Variants in GLRA1 observed in about 807,000 individuals in gnomAD.
GLRA1 encodes glycine receptor subunit alpha-1.
In GLRA1, 37 loss-of-function variants were observed where a neutral mutation model predicts 48.3. The observed-to-expected ratio is 0.77, with a 90% CI of 0.59 to 1.01. GLRA1 has a LOEUF of 1.01. Ranked by LOEUF, GLRA1 falls within the 50% of genes least tolerant of loss-of-function variation. The pLI, the probability that GLRA1 is intolerant of heterozygous loss-of-function variation, is 0.00. For synonymous variants in GLRA1, 196 were observed against 210.7 expected (o/e 0.93, Z 0.60); for missense variants, 427 against 571.0 (o/e 0.75, Z 2.57).
At chr5:151,874,192 G>A (rs1561566465) in intron 3 of GLRA1, among the ~76,000 whole-genome samples, 1 of 152,168 alleles carries the variant, frequency 6.6e-6, no homozygotes, top group Admixed American at 6.5e-5. Flanking sequence ...GCTGCCCAAA[G>A]ATGAAATGGG....
At chr5:151,910,899 G>A (rs1298082539) in intron 1 of GLRA1, among the ~76,000 whole-genome samples, 1 of 152,202 alleles carries the variant, frequency 6.6e-6, no homozygotes, top group Middle Eastern at 3.2e-3. Context: ...TAGAAGTTAA[G>A]GTGTGTTAGA....
chr5:151,876,181 T>A (rs1753624979), intron 3 of GLRA1, among the ~76,000 whole-genome samples: 1 of 152,196 alleles, frequency 6.6e-6, no homozygotes, highest in South Asian at 2.1e-4. Flanking sequence ...ATATGTGCCC[T>A]CCCTTCCCCT....
At chr5:151,898,905 A>G (rs181104265) in intron 1 of GLRA1, among the ~76,000 whole-genome samples, 1 of 152,324 alleles carries the variant, frequency 6.6e-6, no homozygotes, top group East Asian at 1.9e-4. Context: ...ATAAAACTTG[A>G]AGGTTAGATA....
At chr5:151,857,969 G>A (rs576583256) in intron 4 of GLRA1, among the ~76,000 whole-genome samples, 27 of 152,200 alleles carry the variant, frequency 1.8e-4, no homozygotes, top group Middle Eastern at 3.2e-3. Context: ...ACATCAGCCA[G>A]GATTCAAAAC....
intron 1 of GLRA1, among the ~76,000 whole-genome samples, chr5:151,920,224 A>C (rs916298407): frequency 5.3e-5 from 8 of 152,182 alleles, no homozygotes; most frequent in African/African-American, 1.9e-4. Context: ...AGATCTTATT[A>C]GGGGTTGGAG....
intron 3 of GLRA1, among the ~76,000 whole-genome samples, chr5:151,874,237 C>T (rs192075709): frequency 1.1e-4 from 17 of 152,210 alleles, no homozygotes; most frequent in East Asian, 3.9e-4. Context: ...CTCCTCAGTG[C>T]GCTGAGTTCC....
chr5:151,866,615 A>G (rs1753343132), intron 3 of GLRA1, among the ~76,000 whole-genome samples: 1 of 152,208 alleles, frequency 6.6e-6, no homozygotes, highest in South Asian at 2.1e-4. Flanking sequence ...TTATCATTCC[A>G]GCTCCCAAGG....
chr5:151,850,115 T>G, intron 7 of GLRA1: 2 of 1,604,286 alleles, frequency 1.2e-6, no homozygotes, highest in South Asian at 2.2e-5. Context: ...GGTACCACTT[T>G]GGTTGGCCTT....
intron 8 of GLRA1, among the ~76,000 whole-genome samples, chr5:151,827,647 C>A (rs141504170): frequency 1.3e-5 from 2 of 152,308 alleles, no homozygotes; most frequent in African/African-American, 4.8e-5. Flanking sequence ...TGCGCCTGGG[C>A]AGACAACTAT....
chr5:151,884,427 T>TCAAAACAAAACAAAACAACA (rs1753844684), intron 3 of GLRA1, among the ~76,000 whole-genome samples: 1 of 148,708 alleles, frequency 6.7e-6, no homozygotes, highest in Non-Finnish European at 1.5e-5. Flanking sequence ...AAACTCTGTC[T>TCAAAACAAAACAAAACAACA]CAAAACAAAA....
chr5:151,861,333 A>T (rs1753198923), intron 3 of GLRA1, among the ~76,000 whole-genome samples: 1 of 152,244 alleles, frequency 6.6e-6, no homozygotes, highest in South Asian at 2.1e-4. Context: ...ACTAATTTAC[A>T]GTCCCACCAA....
chr5:151,854,946 A>T (rs1291023866), intron 6 of GLRA1, 94 bp downstream of exon 6: 2 of 1,364,230 alleles, frequency 1.5e-6, no homozygotes, highest in Non-Finnish European at 2.1e-6. Flanking sequence ...GGTAATCTTC[A>T]TAAGATCTGT....
intron 7 of GLRA1, chr5:151,850,332 G>T: frequency 6.5e-7 from 1 of 1,539,930 alleles, no homozygotes; most frequent in Non-Finnish European, 9.0e-7. Context: ...TCATTTCTGG[G>T]TGGGCTGTTT....
At chr5:151,886,173 A>G (rs1175289088) in intron 3 of GLRA1, among the ~76,000 whole-genome samples, 1 of 152,238 alleles carries the variant, frequency 6.6e-6, no homozygotes, top group Non-Finnish European at 1.5e-5. Context: ...ATATATAAAT[A>G]CTGTAGGAAG....
In GLRA1 at chr5:151,850,071, A is replaced by G. The variant is rs527926910; in HGVS notation, c.912+1319T>C. 18 of 1,604,062 alleles carry G rather than the reference A, an allele frequency of 1.1e-5. No individual in the cohort carries two copies. The African/African-American group carries it at 1.5e-4, about 13-fold the overall frequency. ...TGAGCAACCAGCACCCTGGTTTGGC[A>G]TGGAGCAGGAATATACCCTCATGGG... On this transcript the variant is annotated intron_variant, in intron 7 of 8. Coordinates refer to ENST00000274576, the MANE Select transcript of GLRA1 (RefSeq NM_000171.4).
rs1581620713 is a variant in GLRA1, at chr5:151,856,287, T to C, written c.559+14A>G. On this transcript the variant is annotated intron_variant, in intron 5 of 8. Coordinates refer to ENST00000274576, the MANE Select transcript of GLRA1 (RefSeq NM_000171.4). ...AGCCTGGTTCTTTCTAGAGGACTCA[T>C]GCAAGACACTCACAGCTTTCCAGTT... is the stretch of plus-strand genomic sequence containing the variant. 1 of 1,582,588 alleles carries C rather than the reference T, an allele frequency of 6.3e-7. No individual in the cohort carries two copies. The highest frequency in any genetic ancestry group is 8.7e-7 in the Non-Finnish European group (1 of 1,152,028).
intron 3 of GLRA1, among the ~76,000 whole-genome samples, chr5:151,873,648 AG>A: frequency 6.7e-6 from 1 of 149,652 alleles, no homozygotes; most frequent in African/African-American, 2.5e-5. Flanking sequence ...CCTGGGTGAC[AG>A]AGTGACACTT....
At chr5:151,879,620 G>A (rs540243472) in intron 3 of GLRA1, among the ~76,000 whole-genome samples, 8 of 152,114 alleles carry the variant, frequency 5.3e-5, no homozygotes, top group Non-Finnish European at 8.8e-5. Flanking sequence ...CAAAGTGTTG[G>A]GATTACAGGC....
At chr5:151,882,023 C>A (rs945906517) in intron 3 of GLRA1, among the ~76,000 whole-genome samples, 1 of 152,136 alleles carries the variant, frequency 6.6e-6, no homozygotes, top group African/African-American at 2.4e-5. Context: ...AGTCAGGGAG[C>A]CTGGGCTGAC....
Sources: allele counts gnomAD v4.1 joint callset (sites outside exome capture counted in the v4.1 genomes callset), GRCh38; gene constraint gnomAD v4.1.1; transcripts MANE v1.5; gene names NCBI Gene and HGNC (gene_info 2026-07-23, HGNC 2026-07-21).